The following EPB41L4A variants were observed in gnomAD, a reference collection of about 807,000 sequenced individuals.
The protein encoded by EPB41L4A is band 4.1-like protein 4A.
A neutral mutation model predicts 108.6 loss-of-function variants in EPB41L4A; 100 were observed. The ratio of observed to expected loss-of-function variants is 0.92; its 90% CI spans 0.78 to 1.09. EPB41L4A has a LOEUF of 1.09. Among genes scored for constraint, EPB41L4A ranks in the 50% least tolerant of loss-of-function variants. EPB41L4A has a pLI of 0.00. For missense variants in EPB41L4A, 1,030 were observed against 842.7 expected (o/e 1.22, Z -2.75); for synonymous variants, 319 against 289.0 (o/e 1.10, Z -1.05).
chr5:112,199,280 G>A lies in EPB41L4A; in HGVS notation c.1377-3572C>T, dbSNP rs77472182. ...CTTGTCCCTGTCCATCTCTTACAAA[G>A]GGATTCTCTAATTTTCTGCCTAGGT... On this transcript the variant is annotated intron_variant, in intron 15 of 22. Transcript: ENST00000261486. Among the ~76,000 whole-genome samples the A allele has an allele frequency of 2.0e-5, 3 of 152,278 alleles. No individual in the cohort carries two copies. The East Asian group carries it at 5.8e-4, about 29-fold the overall frequency.
At chr5:112,260,241 A>G (rs1004345203) in intron 7 of EPB41L4A, among the ~76,000 whole-genome samples, 2 of 152,250 alleles carry the variant, frequency 1.3e-5, no homozygotes, top group African/African-American at 4.8e-5. Flanking sequence ...CAGTCAGGCC[A>G]ATGGGACTTA....
At chr5:112,250,927 T>C (rs1750616350) in intron 9 of EPB41L4A, among the ~76,000 whole-genome samples, 1 of 152,196 alleles carries the variant, frequency 6.6e-6, no homozygotes, top group African/African-American at 2.4e-5. Flanking sequence ...ATAAGGATAT[T>C]ATCATCCTCA....
At chr5:112,241,991 T>C (rs555801603) in intron 9 of EPB41L4A, among the ~76,000 whole-genome samples, 13 of 152,210 alleles carry the variant, frequency 8.5e-5, no homozygotes, top group Non-Finnish European at 1.6e-4. Context: ...ATGGTAAAAG[T>C]CATCTGAGCC....
chr5:112,226,857 C>G (rs1322028201), intron 12 of EPB41L4A, among the ~76,000 whole-genome samples: 1 of 151,218 alleles, frequency 6.6e-6, no homozygotes, highest in Admixed American at 6.6e-5. Context: ...GGTATAGTTT[C>G]AGAGTCATAA....
chr5:112,350,695 A>G (rs1757981208), intron 1 of EPB41L4A, among the ~76,000 whole-genome samples: 1 of 152,048 alleles, frequency 6.6e-6, no homozygotes, highest in South Asian at 2.1e-4. Context: ...CATGAGACCA[A>G]CTTTTTTAGC....
intron 2 of EPB41L4A, among the ~76,000 whole-genome samples, chr5:112,291,893 T>G (rs1358335810): frequency 6.6e-6 from 1 of 152,180 alleles, no homozygotes; most frequent in African/African-American, 2.4e-5. Context: ...AGCAAATTAA[T>G]CAAACCCAAA....
At chr5:112,273,739 A>T (rs1021274895) in intron 4 of EPB41L4A, among the ~76,000 whole-genome samples, 1 of 152,164 alleles carries the variant, frequency 6.6e-6, no homozygotes. Context: ...TTTATTTTTT[A>T]AAAAATGCTG....
chr5:112,382,746 T>C (rs1318167950), intron 1 of EPB41L4A, among the ~76,000 whole-genome samples: 1 of 152,164 alleles, frequency 6.6e-6, no homozygotes, highest in Non-Finnish European at 1.5e-5. Context: ...AGCTAAAAGA[T>C]ACAGTATATA....
At chr5:112,237,104 C>T (rs1332804715) in intron 11 of EPB41L4A, among the ~76,000 whole-genome samples, 1 of 152,070 alleles carries the variant, frequency 6.6e-6, no homozygotes, top group Non-Finnish European at 1.5e-5. Flanking sequence ...CTAGGAGCAC[C>T]CCACAACTTA....
intron 3 of EPB41L4A, among the ~76,000 whole-genome samples, chr5:112,279,540 T>C (rs1390961693): frequency 6.6e-6 from 1 of 152,196 alleles, no homozygotes; most frequent in Non-Finnish European, 1.5e-5. Context: ...TAAATGTACC[T>C]AATGCCACTG....
chr5:112,164,821 G>C lies in EPB41L4A; in HGVS notation c.*169C>G. 1.5e-6 allele frequency: 1 copy of C among 661,034 alleles called. No individual in the cohort carries two copies. Among genetic ancestry groups the C allele is most frequent in the East Asian group, 3.4e-5 (1 of 29,146 alleles). The allele number at this position is 661,034 out of a possible 1,614,324, so 40.9% of individuals were successfully genotyped here. ...TGCACTCCAGCCTGGGCGACAGAGT[G>C]ATAACATCTCAAAAAAAAAAAAAAA... On this transcript the variant is annotated 3_prime_UTR_variant, in exon 23 of 23. Transcript: ENST00000261486.
At chr5:112,403,243 T>C (rs1761886924) in intron 1 of EPB41L4A, among the ~76,000 whole-genome samples, 1 of 150,942 alleles carries the variant, frequency 6.6e-6, no homozygotes, top group Non-Finnish European at 1.5e-5. Context: ...ATGCATGTAA[T>C]GGATGAAAGG....
chr5:112,230,886 G>A (rs1440894002), intron 12 of EPB41L4A, among the ~76,000 whole-genome samples: 2 of 152,120 alleles, frequency 1.3e-5, no homozygotes, highest in African/African-American at 4.8e-5. Flanking sequence ...TTGGACCACT[G>A]CACTCCGGCC....
chr5:112,142,182 A>G (rs1001377686), downstream of EPB41L4A, among the ~76,000 whole-genome samples: 3 of 152,262 alleles, frequency 2.0e-5, no homozygotes, highest in African/African-American at 7.2e-5. Context: ...CTCAACTTAA[A>G]TAATAGCCAC....
At chr5:112,247,943 A>G (rs1369730457) in intron 9 of EPB41L4A, among the ~76,000 whole-genome samples, 2 of 152,184 alleles carry the variant, frequency 1.3e-5, no homozygotes, top group Non-Finnish European at 1.5e-5. Flanking sequence ...AGGATAAAAG[A>G]TATTTCAAAT....
intron 1 of EPB41L4A, among the ~76,000 whole-genome samples, chr5:112,311,679 GC>G (rs1755060927): frequency 6.6e-6 from 1 of 152,088 alleles, no homozygotes; most frequent in South Asian, 2.1e-4. Context: ...CTGCACCCCA[GC>G]CTGGGCGACA....
At chr5:112,209,326 G>T (rs919609740) in intron 13 of EPB41L4A, among the ~76,000 whole-genome samples, 1 of 152,228 alleles carries the variant, frequency 6.6e-6, no homozygotes, top group African/African-American at 2.4e-5. Flanking sequence ...AGAAAACAAG[G>T]CTTAGCTCTC....
At chr5:112,162,112 T>C (rs1448649898), downstream of EPB41L4A, 3 of 152,258 alleles carry the variant, frequency 2.0e-5, no homozygotes, top group African/African-American at 7.2e-5. Context: ...AATACAAAAA[T>C]ATTTGCTGTC....
chr5:112,341,753 A>AACAC (rs5870494), intron 1 of EPB41L4A, among the ~76,000 whole-genome samples: 1,609 of 149,448 alleles, frequency 0.011, 14 homozygotes, highest in South Asian at 0.025. Context: ...CACTATTTAA[A>AACAC]ACACACACAC....
Sources: gnomAD v4.1 joint callset for allele counts (sites outside exome capture counted in the v4.1 genomes callset) on GRCh38, gnomAD v4.1.1 for gene constraint, MANE v1.5 for transcripts, NCBI Gene and HGNC (gene_info 2026-07-23, HGNC 2026-07-21) for gene names.